The following CTIF variants were observed in gnomAD, a reference collection of about 807,000 sequenced individuals.
CTIF encodes the protein CBP80/20-dependent translation initiation factor.
Under a neutral mutation model 66.0 loss-of-function variants are expected in CTIF, and 21 were observed. The observed-to-expected ratio is 0.32, with a 90% CI of 0.23 to 0.46. The LOEUF (loss-of-function observed/expected upper bound fraction) is 0.46, where lower values mean the gene tolerates loss of function less well. CTIF is among the 20% of genes least tolerant of loss of function. The probability of loss-of-function intolerance (pLI) is 1.00; values close to 1 mark genes in which losing one functional copy is unlikely to be tolerated. For missense variants in CTIF, 739 were observed against 812.7 expected (o/e 0.91, Z 1.10); for synonymous variants, 345 against 326.4 (o/e 1.06, Z -0.62).
intron 9 of CTIF, among the ~76,000 whole-genome samples, chr18:48,794,489 C>T (rs1338512160): frequency 6.6e-6 from 1 of 152,216 alleles, no homozygotes; most frequent in African/African-American, 2.4e-5. Context: ...GGAGGGGTTG[C>T]TGGGCTACGG....
At chr18:48,786,646 T>C (rs1206667536) in intron 9 of CTIF, among the ~76,000 whole-genome samples, 1 of 152,210 alleles carries the variant, frequency 6.6e-6, no homozygotes, top group East Asian at 1.9e-4. Context: ...CGATGGAACA[T>C]GGGCCTGAAT....
At chr18:48,728,111 A>G (rs1177344687) in intron 7 of CTIF, among the ~76,000 whole-genome samples, 4 of 152,222 alleles carry the variant, frequency 2.6e-5, no homozygotes, top group Non-Finnish European at 5.9e-5. Flanking sequence ...ACATATCTGT[A>G]GGAGACAATG....
At chr18:48,797,009 C>A (rs1322775518) in intron 9 of CTIF, among the ~76,000 whole-genome samples, 1 of 152,172 alleles carries the variant, frequency 6.6e-6, no homozygotes, top group South Asian at 2.1e-4. Flanking sequence ...GCAGCACTGG[C>A]CTCCCTCTGC....
At chr18:48,665,989 T>C (rs189644092) in intron 5 of CTIF, among the ~76,000 whole-genome samples, 3 of 152,354 alleles carry the variant, frequency 2.0e-5, no homozygotes, top group East Asian at 1.9e-4. Context: ...AATTGCTGGG[T>C]TGTATGGTAA....
chr18:48,594,556 C>A (rs769490220), intron 1 of CTIF, among the ~76,000 whole-genome samples: 2 of 152,134 alleles, frequency 1.3e-5, no homozygotes, highest in Non-Finnish European at 2.9e-5. Flanking sequence ...TGAGTCCTCA[C>A]ACATTCTCCA....
intron 9 of CTIF, among the ~76,000 whole-genome samples, chr18:48,772,736 C>A (rs1188030725): frequency 1.3e-5 from 2 of 152,192 alleles, no homozygotes; most frequent in Non-Finnish European, 2.9e-5. Flanking sequence ...ATTTATCTGT[C>A]AATGGGCACT....
chr18:48,618,779 G>A (rs541867165), intron 1 of CTIF, among the ~76,000 whole-genome samples: 21 of 152,358 alleles, frequency 1.4e-4, no homozygotes, highest in Admixed American at 7.2e-4. Flanking sequence ...GGTCATCTAT[G>A]CCGCGCTGCC....
intron 9 of CTIF, among the ~76,000 whole-genome samples, chr18:48,789,941 C>T (rs2067756216): frequency 6.6e-6 from 1 of 152,218 alleles, no homozygotes; most frequent in African/African-American, 2.4e-5. Context: ...TTGCCACCTG[C>T]TACCTCATGA....
chr18:48,677,869 A>G (rs796128881), intron 6 of CTIF, among the ~76,000 whole-genome samples: 15 of 152,304 alleles, frequency 9.8e-5, no homozygotes, highest in African/African-American at 3.4e-4. Flanking sequence ...TGCCTCCACC[A>G]CAGAGGCTAC....
At chr18:48,853,213 G>A (rs1227002458) in intron 10 of CTIF, among the ~76,000 whole-genome samples, 2 of 152,200 alleles carry the variant, frequency 1.3e-5, no homozygotes, top group Admixed American at 1.3e-4. Flanking sequence ...CTAGAGCGGG[G>A]AGACGGGCAA....
intron 6 of CTIF, among the ~76,000 whole-genome samples, chr18:48,700,653 T>A (rs2092072314): frequency 6.6e-6 from 1 of 152,232 alleles, no homozygotes. Context: ...GCAGAGCCCC[T>A]CAAGCGTGGG....
intron 7 of CTIF, among the ~76,000 whole-genome samples, chr18:48,736,488 C>A (rs1568176903): frequency 6.6e-6 from 1 of 152,212 alleles, no homozygotes; most frequent in Non-Finnish European, 1.5e-5. Context: ...AACGCTCCAC[C>A]CAGACTGCCG....
intron 6 of CTIF, among the ~76,000 whole-genome samples, chr18:48,693,056 C>G (rs1003813880): frequency 1.3e-5 from 2 of 152,184 alleles, no homozygotes; most frequent in African/African-American, 4.8e-5. Context: ...AGATATTAGG[C>G]CCTTACGTGC....
chr18:48,631,721 C>T (rs374428819), intron 2 of CTIF, among the ~76,000 whole-genome samples: 110 of 152,284 alleles, frequency 7.2e-4, no homozygotes, highest in African/African-American at 2.6e-3. Context: ...TTAAACCACT[C>T]TTGTGAATTT....
Position 48,579,923 on chromosome 18 carries a change from G to A in CTIF, c.-28-39615G>A, listed in dbSNP as rs1192484163. ...CCCTCTTGGAGACCCTCATCCATTC[G>A]TACAAAAAATGTTCACAAGTTAGAT... On this transcript the variant is annotated intron_variant, in intron 1 of 11. Transcript: ENST00000256413. Among the ~76,000 whole-genome samples, 4 of 152,094 alleles carry A rather than the reference G, an allele frequency of 2.6e-5. No homozygotes were observed. The South Asian group carries it at 8.3e-4, about 32-fold the overall frequency.
chr18:48,849,830 C>T (rs1238420590), intron 10 of CTIF, among the ~76,000 whole-genome samples: 3 of 152,054 alleles, frequency 2.0e-5, no homozygotes, highest in Non-Finnish European at 4.4e-5. Flanking sequence ...GTGATCCACC[C>T]GTCTCGACCT....
intron 10 of CTIF, among the ~76,000 whole-genome samples, chr18:48,831,269 C>T (rs1296748764): frequency 1.3e-5 from 2 of 152,288 alleles, no homozygotes. Flanking sequence ...TGTTCTGTCC[C>T]TGCCTTTGGT....
At chr18:48,573,764 C>T (rs1236682254) in intron 1 of CTIF, among the ~76,000 whole-genome samples, 1 of 152,192 alleles carries the variant, frequency 6.6e-6, no homozygotes, top group Non-Finnish European at 1.5e-5. Flanking sequence ...AGGGCCATAT[C>T]CAGCCACCCA....
intron 6 of CTIF, among the ~76,000 whole-genome samples, chr18:48,681,478 G>A (rs886731327): frequency 6.6e-6 from 1 of 152,200 alleles, no homozygotes; most frequent in Non-Finnish European, 1.5e-5. Context: ...GGCTGGAAAA[G>A]ACCCAGAACT....
Sources: allele counts gnomAD v4.1 joint callset (sites outside exome capture counted in the v4.1 genomes callset), GRCh38; gene constraint gnomAD v4.1.1; transcripts MANE v1.5; gene names NCBI Gene and HGNC (gene_info 2026-07-23, HGNC 2026-07-21).